The following PIEZO2 variants were observed in gnomAD, a reference collection of about 807,000 sequenced individuals.
PIEZO2 encodes piezo-type mechanosensitive ion channel component 2.
Under a neutral mutation model 337.3 loss-of-function variants are expected in PIEZO2, and 172 were observed. The observed-to-expected ratio is 0.51, with a 90% CI of 0.45 to 0.58. PIEZO2 has a LOEUF of 0.58. PIEZO2 is among the 20% of genes least tolerant of loss of function. The pLI is 0.00. For missense variants in PIEZO2, 3,028 were observed against 3,391.3 expected (o/e 0.89, Z 2.66); for synonymous variants, 1,251 against 1,228.5 (o/e 1.02, Z -0.38).
chr18:11,052,026 T>A (rs910324497), intron 2 of PIEZO2, among the ~76,000 whole-genome samples: 28 of 152,222 alleles, frequency 1.8e-4, no homozygotes, highest in Admixed American at 5.2e-4. Flanking sequence ...TTAATTTCAG[T>A]GCCTCCTTAT....
At chr18:10,914,687 T>A (rs1003396079) in intron 3 of PIEZO2, among the ~76,000 whole-genome samples, 1 of 152,198 alleles carries the variant, frequency 6.6e-6, no homozygotes, top group Non-Finnish European at 1.5e-5. Flanking sequence ...TAGAAGGGAT[T>A]TTTTCCTTTC....
rs956315037 is a variant in PIEZO2, at chr18:10,726,473, G to C, written c.5029+4934C>G. ...CGGCGAACCCCACGAGGAGGGCCTG[G>C]CCACCCTGCACAGCGTGCTGCTCCG... On this transcript the variant is annotated intron_variant, in intron 36 of 55. Coordinates refer to ENST00000674853, the MANE Select transcript of PIEZO2 (RefSeq NM_001378183.1). The surrounding 1 kb of genome is among the most constrained non-coding windows in gnomAD (Gnocchi z 5.9). The C allele has an allele frequency of 6.6e-7, 1 of 1,526,094 alleles. No individual in the cohort carries two copies. Among genetic ancestry groups the C allele is most frequent in the African/African-American group, 1.4e-5 (1 of 72,674 alleles). 94.5% of individuals were successfully genotyped at this position (1,526,094 alleles called of 1,614,324 possible).
chr18:10,924,739 G>A (rs2031625103), intron 3 of PIEZO2, among the ~76,000 whole-genome samples: 1 of 152,156 alleles, frequency 6.6e-6, no homozygotes, highest in African/African-American at 2.4e-5. Flanking sequence ...TTTCAATGGA[G>A]CATTCTCAGT....
chr18:10,899,828 A>T lies in PIEZO2; in HGVS notation c.329+11358T>A, dbSNP rs1214614976. 6.6e-6 allele frequency among the ~76,000 whole-genome samples: 1 copy of T among 152,202 alleles called. No homozygotes were observed. Among genetic ancestry groups the T allele is most frequent in the Non-Finnish European group, 1.5e-5 (1 of 68,026 alleles). ...CACCTCTGACTTTCCTAGAACAGTCAAGGTAATGACCTGGGAATTCAGTTT... is the reference window on the plus strand; with the variant it reads ...CACCTCTGACTTTCCTAGAACAGTCTAGGTAATGACCTGGGAATTCAGTTT... On this transcript the variant is annotated intron_variant, in intron 4 of 55. Coordinates refer to ENST00000674853, the MANE Select transcript of PIEZO2 (RefSeq NM_001378183.1). The surrounding 1 kb of genome is among the most constrained non-coding windows in gnomAD (Gnocchi z 4.6).
intron 5 of PIEZO2, among the ~76,000 whole-genome samples, chr18:10,868,718 A>G (rs537446122): frequency 6.6e-6 from 1 of 152,350 alleles, no homozygotes; most frequent in South Asian, 2.1e-4. Context: ...TCCTAAATCT[A>G]TCTCTGAAAA....
intron 2 of PIEZO2, among the ~76,000 whole-genome samples, chr18:11,020,876 G>C (rs1285684789): frequency 6.6e-6 from 1 of 152,150 alleles, no homozygotes; most frequent in Admixed American, 6.5e-5. Context: ...TTCACTTAAA[G>C]TTATTTCTTA....
At chr18:11,058,802 G>A (rs1202933275) in intron 2 of PIEZO2, among the ~76,000 whole-genome samples, 1 of 152,162 alleles carries the variant, frequency 6.6e-6, no homozygotes, top group Non-Finnish European at 1.5e-5. Flanking sequence ...AAAGTGACAG[G>A]GAGAATGGAA....
chr18:10,778,787 T>A (rs8097202), intron 18 of PIEZO2, among the ~76,000 whole-genome samples: 5 of 152,242 alleles, frequency 3.3e-5, no homozygotes, highest in South Asian at 2.1e-4. Context: ...GCCTTGTGGC[T>A]TGGGATAAGG....
intron 2 of PIEZO2, among the ~76,000 whole-genome samples, chr18:10,991,132 C>A (rs2035075048): frequency 6.8e-6 from 1 of 146,832 alleles, no homozygotes; most frequent in African/African-American, 2.5e-5. Flanking sequence ...TTGGTACATT[C>A]TTTTTGTTTT....
chr18:10,840,976 G>C (rs546292582), intron 7 of PIEZO2, among the ~76,000 whole-genome samples: 32 of 152,338 alleles, frequency 2.1e-4, no homozygotes, highest in South Asian at 6.2e-4. Context: ...TGCAGTTCCT[G>C]ATAAAGGAAA....
rs112582919 is a variant in PIEZO2 at position 11,025,762 on chromosome 18, T to C, written c.160+40365A>G. On this transcript the variant is annotated intron_variant, in intron 2 of 55. Transcript: ENST00000674853. The stretch of plus-strand genomic sequence containing the variant: ...ACTCAGAGCCCATGGTGACAATTGT[T>C]CAGAAAATGAGAGCACCCCTCATCA... Among the ~76,000 whole-genome samples, 1,042 of 152,272 alleles carry C rather than the reference T, an allele frequency of 6.8e-3. 3 individuals carry two copies. Among genetic ancestry groups the C allele is most frequent in the Non-Finnish European group, 0.011 (733 of 68,032 alleles).
At chr18:10,702,226 C>A in intron 42 of PIEZO2, 55 bp from the exon 43 acceptor site, 1 of 1,464,148 alleles carries the variant, frequency 6.8e-7, no homozygotes, top group Non-Finnish European at 9.1e-7. Context: ...AATAGATATA[C>A]CTGTATATGG....
chr18:10,694,150 TTTA>T (rs1305501120), intron 47 of PIEZO2, among the ~76,000 whole-genome samples: 4 of 151,918 alleles, frequency 2.6e-5, no homozygotes, highest in Non-Finnish European at 4.4e-5. Flanking sequence ...ATTGTCACCA[TTTA>T]TTATTATAAA....
chr18:10,697,627 T>C (rs2035152891), intron 45 of PIEZO2, 121 bp downstream of exon 45: 2 of 1,317,622 alleles, frequency 1.5e-6, no homozygotes, highest in East Asian at 2.3e-5. Flanking sequence ...CATTCTGCCT[T>C]ACGCAGATAA....
At chr18:10,800,826 G>A (rs761106934) in intron 10 of PIEZO2, among the ~76,000 whole-genome samples, 2 of 152,204 alleles carry the variant, frequency 1.3e-5, no homozygotes, top group Non-Finnish European at 2.9e-5. Context: ...CTTTGCTACT[G>A]TCCACCTCTC....
rs994937675 is a variant in PIEZO2, at chr18:11,128,543, C to A, written c.64+19982G>T. Among the ~76,000 whole-genome samples, 7 of 152,314 alleles carry A rather than the reference C, an allele frequency of 4.6e-5. No homozygotes were observed. The highest frequency in any genetic ancestry group is 1.4e-4 in the African/African-American group (6 of 41,560). On this transcript the variant is annotated intron_variant, in intron 1 of 55. Coordinates refer to ENST00000674853, the MANE Select transcript of PIEZO2 (RefSeq NM_001378183.1). The surrounding 1 kb of genome is among the most constrained non-coding windows in gnomAD (Gnocchi z 4.1). ...TTGCCAGAAGGAACAGCTTCCCCAT[C>A]CCCAGTAGCGGCAACATCCCTTCCC...
chr18:11,054,061 A>G (rs1165282055), intron 2 of PIEZO2, among the ~76,000 whole-genome samples: 1 of 152,158 alleles, frequency 6.6e-6, no homozygotes. Context: ...ATACCTCATT[A>G]GTTTGCAATT....
chr18:10,712,877 C>T (rs116246501), intron 39 of PIEZO2, among the ~76,000 whole-genome samples: 2,100 of 152,218 alleles, frequency 0.014, 52 homozygotes, highest in African/African-American at 0.048. Context: ...GAAATCATAA[C>T]GAGTTTCTGT....
chr18:10,672,896 T>C lies in PIEZO2; in HGVS notation c.8162-23A>G. On this transcript the variant is annotated intron_variant, in intron 54 of 55. Transcript: ENST00000674853. This position sits in a 1 kb window ranked among gnomAD's most constrained non-coding sequence, Gnocchi z 4.7. The stretch of plus-strand genomic sequence containing the variant: ...TTTCTAGAAGGGTAGAAATGCAAAA[T>C]TAAGTTGACATGAGAATTTTAGGAT... 1 of 1,565,030 alleles carries C rather than the reference T, an allele frequency of 6.4e-7. No homozygotes were observed. Among genetic ancestry groups the C allele is most frequent in the Non-Finnish European group, 8.7e-7 (1 of 1,150,094 alleles).
Sources: gnomAD v4.1 joint callset for allele counts (sites outside exome capture counted in the v4.1 genomes callset) on GRCh38, gnomAD v4.1.1 for gene constraint, Gnocchi (gnomAD v3.1) non-coding constraint, MANE v1.5 for transcripts, NCBI Gene and HGNC (gene_info 2026-07-23, HGNC 2026-07-21) for gene names.